Variants in SLC3A1 observed in about 807,000 individuals in gnomAD.
SLC3A1 encodes solute carrier family 3 member 1, also known as amino acid transporter heavy chain SLC3A1.
Under a neutral mutation model 60.3 loss-of-function variants are expected in SLC3A1, and 78 were observed. The ratio of observed to expected loss-of-function variants is 1.29; its 90% CI spans 1.08 to 1.56. SLC3A1 has a LOEUF of 1.56. Ranked by LOEUF, SLC3A1 falls within the 40% of genes most tolerant of loss-of-function variation. SLC3A1 has a pLI of 0.00. For synonymous variants in SLC3A1, 392 were observed against 307.9 expected (o/e 1.27, Z -2.86); for missense variants, 1,172 against 858.9 (o/e 1.36, Z -4.56).
intron 7 of SLC3A1, among the ~76,000 whole-genome samples, chr2:44,305,393 T>C (rs1249014995): frequency 6.6e-6 from 1 of 151,760 alleles, no homozygotes; most frequent in African/African-American, 2.4e-5. Flanking sequence ...GCAAGTTTCT[T>C]TCTCTCATAT....
intron 4 of SLC3A1, among the ~76,000 whole-genome samples, chr2:44,291,683 T>TA (rs1671742417): frequency 6.6e-6 from 1 of 152,196 alleles, no homozygotes; most frequent in Non-Finnish European, 1.5e-5. Flanking sequence ...GCAATAGAGT[T>TA]AAGCAGGTTA....
At chr2:44,317,640 AG>A (rs1380995028) in intron 9 of SLC3A1, 2 of 152,512 alleles carry the variant, frequency 1.3e-5, no homozygotes, top group Non-Finnish European at 2.9e-5. Context: ...TGGTAAAATT[AG>A]GACATAAAAA....
intron 4 of SLC3A1, among the ~76,000 whole-genome samples, chr2:44,293,969 T>A (rs1388054798): frequency 1.3e-5 from 2 of 152,092 alleles, no homozygotes; most frequent in Admixed American, 1.3e-4. Context: ...TTTTTTTTAC[T>A]GTATACAGTA....
chr2:44,309,291 A>C (rs951589789), intron 7 of SLC3A1, among the ~76,000 whole-genome samples: 6 of 152,128 alleles, frequency 3.9e-5, no homozygotes, highest in African/African-American at 1.4e-4. Context: ...GGTACCTCAT[A>C]TAAGTGGAAT....
intron 4 of SLC3A1, among the ~76,000 whole-genome samples, chr2:44,287,417 G>A: frequency 6.6e-6 from 1 of 152,170 alleles, no homozygotes; most frequent in East Asian, 1.9e-4. Flanking sequence ...TGGTTCATGT[G>A]TTTCAGGGAT....
chr2:44,306,347 A>T (rs893782180), intron 7 of SLC3A1, among the ~76,000 whole-genome samples: 2 of 152,126 alleles, frequency 1.3e-5, no homozygotes, highest in African/African-American at 2.4e-5. Flanking sequence ...TGTGAACCAC[A>T]ATTAAGCTTA....
chr2:44,289,575 C>G (rs1258959682), intron 4 of SLC3A1, among the ~76,000 whole-genome samples: 2 of 151,916 alleles, frequency 1.3e-5, no homozygotes, highest in African/African-American at 4.8e-5. Context: ...TGTCTTTTTA[C>G]TTTCTTGATG....
At chr2:44,298,895 T>A (rs552143262) in intron 4 of SLC3A1, among the ~76,000 whole-genome samples, 1 of 152,298 alleles carries the variant, frequency 6.6e-6, no homozygotes, top group Admixed American at 6.5e-5. Flanking sequence ...ATTGGGTTTC[T>A]AGCACACACC....
chr2:44,276,986 G>A (rs563249985), intron 1 of SLC3A1, among the ~76,000 whole-genome samples: 35 of 152,208 alleles, frequency 2.3e-4, no homozygotes, highest in African/African-American at 8.2e-4. Flanking sequence ...AATGTGGAAA[G>A]TAGGAATGGG....
Position 44,313,850 on chromosome 2 carries a change from A to G in SLC3A1, c.1516A>G (p.Lys506Glu). The change falls in exon 9 of 10, where the codon AAG becomes GAG. Residue 506 changes from lysine to glutamate, a missense_variant. Lys to Glu is a moderately conservative substitution (Grantham distance 56). Coordinates refer to ENST00000260649, the MANE Select transcript of SLC3A1 (RefSeq NM_000341.4). ...ESYDINTLRS[K>E]SPMQWDNSSN... is the part of the protein sequence containing the mutation. ...TTTGACATAGAATACCCTTCGCTCAAAGTCACCAATGCAGTGGGACAATAG... is the reference window on the plus strand; with the variant it reads ...TTTGACATAGAATACCCTTCGCTCAGAGTCACCAATGCAGTGGGACAATAG... 1 of 1,613,958 alleles carries G rather than the reference A, an allele frequency of 6.2e-7. No homozygotes were observed. Among genetic ancestry groups the G allele is most frequent in the South Asian group, 1.1e-5 (1 of 91,074 alleles).
At chr2:44,276,082 G>A in intron 1 of SLC3A1, 117 bp downstream of exon 1, 1 of 893,066 alleles carries the variant, frequency 1.1e-6, no homozygotes, top group Non-Finnish European at 1.8e-6. Context: ...CATTATGACT[G>A]GTCATGCCAA....
intron 3 of SLC3A1, among the ~76,000 whole-genome samples, chr2:44,284,897 A>C (rs538756830): frequency 3.2e-4 from 48 of 152,260 alleles, no homozygotes; most frequent in African/African-American, 1.1e-3. Flanking sequence ...TGAGATCTTA[A>C]TTTTATATTT....
Position 44,321,160 on chromosome 2 carries a change from T to C in SLC3A1, c.*521T>C, listed in dbSNP as rs1672906688. On this transcript the variant is annotated 3_prime_UTR_variant, in exon 10 of 10. Coordinates refer to ENST00000260649, the MANE Select transcript of SLC3A1 (RefSeq NM_000341.4). ...TTTGAAAATTACTTTCCTAGGTTAATGGGCATGTGCATCAATGGAGAGAAT... is the reference window on the plus strand; with the variant it reads ...TTTGAAAATTACTTTCCTAGGTTAACGGGCATGTGCATCAATGGAGAGAAT... 2 of 567,914 alleles carry C rather than the reference T, an allele frequency of 3.5e-6. No homozygotes were observed. Among genetic ancestry groups the C allele is most frequent in the South Asian group, 4.7e-5 (2 of 42,488 alleles). The allele number at this position is 567,914 out of a possible 1,614,324, so 35.2% of individuals were successfully genotyped here. A position where few individuals can be genotyped will look rare whatever the true frequency, so the allele number is the denominator to read the frequency against.
intron 4 of SLC3A1, among the ~76,000 whole-genome samples, chr2:44,292,717 A>C (rs1253296333): frequency 1.3e-5 from 2 of 152,052 alleles, no homozygotes; most frequent in Non-Finnish European, 2.9e-5. Context: ...GAAAGCGTGG[A>C]TCGTGACACA....
At chr2:44,291,829 G>T (rs773674442) in intron 4 of SLC3A1, among the ~76,000 whole-genome samples, 1 of 152,094 alleles carries the variant, frequency 6.6e-6, no homozygotes, top group Non-Finnish European at 1.5e-5. Context: ...ACAGTGGGAA[G>T]CTGGCATGCT....
chr2:44,276,192 C>A (rs954989322), intron 1 of SLC3A1, among the ~76,000 whole-genome samples: 1 of 152,116 alleles, frequency 6.6e-6, no homozygotes, highest in South Asian at 2.1e-4. Flanking sequence ...TTGAGCCAAA[C>A]GAGTTGTTTA....
At position 44,320,428 on chromosome 2, in the gene SLC3A1, C is replaced by G; in HGVS notation, c.1847C>G (p.Ala616Gly). ...NLHNMISGLP[A>G]KMRIRLSTNS... ...CATAATATGATTTCGGGCCTTCCCG[C>G]TAAAATGAGAATAAGGTTAAGTACC... Residue 616 changes from alanine (A) to glycine (G), a missense_variant, in exon 10 of 10, where the codon GCT (alanine) becomes GGT (glycine). Ala to Gly is a moderately conservative substitution (Grantham distance 60). Transcript: ENST00000260649. 6.2e-7 allele frequency: 1 copy of G among 1,614,062 alleles called. No individual in the cohort carries two copies. The highest frequency in any genetic ancestry group is 2.2e-5 in the East Asian group (1 of 44,884).
intron 4 of SLC3A1, among the ~76,000 whole-genome samples, chr2:44,299,594 T>C (rs1164722489): frequency 6.6e-6 from 1 of 152,228 alleles, no homozygotes; most frequent in Admixed American, 6.5e-5. Flanking sequence ...GCAGTGACAG[T>C]TAAGGAGTTG....
At chr2:44,298,368 C>G (rs1414190695) in intron 4 of SLC3A1, among the ~76,000 whole-genome samples, 1 of 150,224 alleles carries the variant, frequency 6.7e-6, no homozygotes, top group East Asian at 1.9e-4. Context: ...GGCCACCCCC[C>G]TATCCCTGCC....
Sources: allele counts gnomAD v4.1 joint callset (sites outside exome capture counted in the v4.1 genomes callset), GRCh38; gene constraint gnomAD v4.1.1; transcripts MANE v1.5; gene names NCBI Gene and HGNC (gene_info 2026-07-23, HGNC 2026-07-21).